Variants in FARP1 observed in about 807,000 individuals in gnomAD.
FARP1 encodes FERM, ARHGEF and pleckstrin domain-containing protein 1.
FARP1 carries 52 observed loss-of-function variants against 128.8 expected under a neutral mutation model. The observed-to-expected ratio is 0.40, with a 90% confidence interval of 0.32 to 0.51. The LOEUF (loss-of-function observed/expected upper bound fraction) is 0.51, where lower values mean the gene tolerates loss of function less well. FARP1 is among the 20% of genes least tolerant of loss of function. The probability of loss-of-function intolerance (pLI) is 0.45; values close to 1 mark genes in which losing one functional copy is unlikely to be tolerated. For missense variants in FARP1, 1,333 were observed against 1,367.9 expected (o/e 0.97, Z 0.40); for synonymous variants, 580 against 551.8 (o/e 1.05, Z -0.72).
At chr13:98,433,459 T>C (rs1342812369) in intron 18 of FARP1, 3 of 152,360 alleles carry the variant, frequency 2.0e-5, no homozygotes, top group Non-Finnish European at 4.4e-5. Flanking sequence ...CCAGGGGTGG[T>C]GGCTCACACC....
intron 2 of FARP1, among the ~76,000 whole-genome samples, chr13:98,228,521 C>T (rs893492812): frequency 7.9e-5 from 12 of 151,650 alleles, no homozygotes; most frequent in African/African-American, 2.9e-4. Flanking sequence ...TCAAGTTTCC[C>T]TACCATTCAT....
chr13:98,176,760 G>A lies in FARP1; in HGVS notation c.-24+33268G>A. The A allele has an allele frequency of 1.9e-6, 3 of 1,614,006 alleles. No individual in the cohort carries two copies. The South Asian group carries it at 3.3e-5, about 18-fold the overall frequency. Reference sequence around the variant, plus strand: ...AGGAGTTGCCCATGGACGTGTCCTTGGGCTTCAGGTACCTCAGGTAGCTGT... The same window carrying A: ...AGGAGTTGCCCATGGACGTGTCCTTAGGCTTCAGGTACCTCAGGTAGCTGT... On this transcript the variant is annotated intron_variant, in intron 1 of 26. Transcript: ENST00000319562. This position sits in a 1 kb window ranked among gnomAD's most constrained non-coding sequence, Gnocchi z 6.2.
Position 98,454,821 on chromosome 13 carries a change from A to T in FARP1, c.*6504A>T, listed in dbSNP as rs557203245. ...GTACCACAGCCAAGCCTGCAGAGAG[A>T]TGATAAGCACCTCAAGAGGCAGCTC... On this transcript the variant is annotated 3_prime_UTR_variant, in exon 27 of 27. Coordinates refer to ENST00000319562, the MANE Select transcript of FARP1 (RefSeq NM_005766.4). The T allele has an allele frequency of 6.6e-6, 1 of 152,370 alleles. No individual in the cohort carries two copies. Among genetic ancestry groups the T allele is most frequent in the South Asian group, 2.1e-4 (1 of 4,826 alleles). The allele number at this position is 152,370 out of a possible 1,614,324, so 9.4% of individuals were successfully genotyped here.
chr13:98,233,718 CT>C (rs1326078630), intron 2 of FARP1: 1 of 152,274 alleles, frequency 6.6e-6, no homozygotes, highest in Non-Finnish European at 1.5e-5. Flanking sequence ...AGCATTTTCA[CT>C]TCCTTTCAAA....
intron 17 of FARP1, among the ~76,000 whole-genome samples, chr13:98,424,986 G>A (rs1307448049): frequency 5.9e-5 from 9 of 151,462 alleles, no homozygotes; most frequent in South Asian, 2.1e-4. Flanking sequence ...TGTGGTCCAC[G>A]GAAGCCAAAA....
At chr13:98,323,474 T>G (rs576435242) in intron 2 of FARP1, among the ~76,000 whole-genome samples, 2 of 151,834 alleles carry the variant, frequency 1.3e-5, no homozygotes, top group Admixed American at 6.6e-5. Flanking sequence ...CATTTGAGGC[T>G]TCCATTATTA....
chr13:98,199,751 G>T (rs1487974805), intron 1 of FARP1, among the ~76,000 whole-genome samples: 1 of 152,220 alleles, frequency 6.6e-6, no homozygotes, highest in Non-Finnish European at 1.5e-5. Flanking sequence ...TTACATTGCA[G>T]TGACCTTGTT....
chr13:98,296,521 G>C (rs28408749), intron 2 of FARP1, among the ~76,000 whole-genome samples: 74,725 of 146,544 alleles, frequency 0.51, 22,301 homozygotes, highest in African/African-American at 0.85. Context: ...GGGACCCCCC[G>C]CTCTTCATGC....
intron 6 of FARP1, among the ~76,000 whole-genome samples, chr13:98,379,158 AT>A (rs1889772328): frequency 8.4e-6 from 1 of 118,634 alleles, no homozygotes; most frequent in African/African-American, 3.3e-5. Context: ...TATAATATAT[AT>A]ATAATATATA....
chr13:98,340,260 T>C (rs2139862698), intron 2 of FARP1, among the ~76,000 whole-genome samples: 1 of 152,324 alleles, frequency 6.6e-6, no homozygotes, highest in East Asian at 1.9e-4. Context: ...ATAGGAAATG[T>C]TAAGAGTTAT....
intron 16 of FARP1, among the ~76,000 whole-genome samples, chr13:98,414,649 A>C (rs991403714): frequency 3.9e-5 from 6 of 152,192 alleles, no homozygotes; most frequent in African/African-American, 1.4e-4. Context: ...CGTAGGTTCT[A>C]AACTTCCCAG....
In FARP1 at chr13:98,201,269, TC is replaced by T. The variant is rs1307667583; in HGVS notation, c.-23-11950del. ...ACCAGCCTGGCTAACATAACCAGAC[TC>T]TTTCACTACAAAAATTAAAAACCTA... On this transcript the variant is annotated intron_variant, in intron 1 of 26. Coordinates refer to ENST00000319562, the MANE Select transcript of FARP1 (RefSeq NM_005766.4). Among the ~76,000 whole-genome samples, 10 of 152,252 alleles carry T rather than the reference TC, an allele frequency of 6.6e-5. No individual in the cohort carries two copies. In the East Asian group the frequency reaches 1.9e-3, roughly 29 times the overall value.
At chr13:98,191,169 T>C (rs747168044) in intron 1 of FARP1, among the ~76,000 whole-genome samples, 1 of 152,184 alleles carries the variant, frequency 6.6e-6, no homozygotes, top group Non-Finnish European at 1.5e-5. Context: ...TTCCTCATAA[T>C]GGTGCCTGTT....
chr13:98,256,948 G>GGTATATATATATATATATATATGTATAT (rs59128917), intron 2 of FARP1, among the ~76,000 whole-genome samples: 1 of 77,076 alleles, frequency 1.3e-5, no homozygotes, highest in Admixed American at 1.6e-4. Flanking sequence ...TATATATGTG[G>GGTATATATATATATATATATATGTATAT]ATATATATAT....
chr13:98,305,188 C>T (rs1196165030), intron 2 of FARP1, among the ~76,000 whole-genome samples: 3 of 147,546 alleles, frequency 2.0e-5, no homozygotes, highest in Non-Finnish European at 2.9e-5. Context: ...ATCCTTTCCT[C>T]ATTCACTAAC....
intron 2 of FARP1, among the ~76,000 whole-genome samples, chr13:98,325,281 T>G (rs1887182281): frequency 1.3e-5 from 2 of 152,246 alleles, no homozygotes; most frequent in African/African-American, 4.8e-5. Context: ...ATCTTTACAC[T>G]CAAGTGATTA....
At chr13:98,227,943 T>G (rs1881891060) in intron 2 of FARP1, among the ~76,000 whole-genome samples, 1 of 152,176 alleles carries the variant, frequency 6.6e-6, no homozygotes, top group African/African-American at 2.4e-5. Context: ...GTGGTTGCTG[T>G]GGGAAGGCAG....
chr13:98,436,702 G>A (rs575749708), intron 19 of FARP1, among the ~76,000 whole-genome samples: 3 of 152,348 alleles, frequency 2.0e-5, no homozygotes, highest in Admixed American at 6.5e-5. Context: ...AGAGCCATGC[G>A]GTAAGCGCTG....
At chr13:98,283,310 T>G (rs1445930845) in intron 2 of FARP1, among the ~76,000 whole-genome samples, 3 of 152,140 alleles carry the variant, frequency 2.0e-5, no homozygotes, top group Non-Finnish European at 4.4e-5. Flanking sequence ...AAATTTAAGG[T>G]CAAGAAAGAC....
Sources: gnomAD v4.1 joint callset for allele counts (sites outside exome capture counted in the v4.1 genomes callset) on GRCh38, gnomAD v4.1.1 for gene constraint, Gnocchi (gnomAD v3.1) non-coding constraint, MANE v1.5 for transcripts, NCBI Gene and HGNC (gene_info 2026-07-23, HGNC 2026-07-21) for gene names.